PDE11A: variants seen among roughly 807,000 people sequenced by gnomAD.
PDE11A encodes dual 3',5'-cyclic-AMP and -GMP phosphodiesterase 11A.
PDE11A carries 100 observed loss-of-function variants against 100.5 expected under a neutral mutation model. The ratio of observed to expected loss-of-function variants is 1.00; its 90% CI spans 0.85 to 1.18. The LOEUF (loss-of-function observed/expected upper bound fraction) is 1.18, where lower values mean the gene tolerates loss of function less well. Among genes scored for constraint, PDE11A ranks in the 50% most tolerant of loss-of-function variants. PDE11A has a pLI of 0.00. For synonymous variants in PDE11A, 381 were observed against 420.8 expected, an observed-to-expected ratio of 0.91 and a Z score of 1.16; for missense variants, 1,141 against 1,152.6, an observed-to-expected ratio of 0.99 and a Z score of 0.15.
At chr2:177,933,127 G>A (rs887309077) in intron 2 of PDE11A, among the ~76,000 whole-genome samples, 1 of 151,688 alleles carries the variant, frequency 6.6e-6, no homozygotes, top group South Asian at 2.1e-4. Context: ...CCAAGGAGGT[G>A]AAAGATCTTT....
chr2:177,747,270 G>A (rs998060), intron 10 of PDE11A, among the ~76,000 whole-genome samples: 108,928 of 152,166 alleles, frequency 0.72, 40,344 homozygotes, highest in East Asian at 0.86. Flanking sequence ...TACAGCCAGC[G>A]TTCCCTCGAC....
chr2:177,744,354 C>T (rs1242115383), intron 10 of PDE11A, among the ~76,000 whole-genome samples: 6 of 140,520 alleles, frequency 4.3e-5, no homozygotes, highest in African/African-American at 7.8e-5. Flanking sequence ...TTTTTTTTTA[C>T]TATATGACTT....
chr2:178,067,005 T>A (rs1169391129), intron 1 of PDE11A, among the ~76,000 whole-genome samples: 1 of 152,172 alleles, frequency 6.6e-6, no homozygotes. Flanking sequence ...TTAACCCAGC[T>A]TCTCTCCCTG....
intron 4 of PDE11A, among the ~76,000 whole-genome samples, chr2:177,896,390 G>A (rs953931250): frequency 2.0e-5 from 3 of 152,186 alleles, no homozygotes; most frequent in African/African-American, 7.2e-5. Flanking sequence ...ACGCTTAACT[G>A]GTTTAAGTTG....
chr2:178,012,350 T>C (rs915735076), intron 2 of PDE11A, among the ~76,000 whole-genome samples: 3 of 152,320 alleles, frequency 2.0e-5, no homozygotes, highest in South Asian at 2.1e-4. Context: ...ATTTTAAAAC[T>C]CATAGGGAAA....
At chr2:177,781,185 G>T (rs368129908) in intron 9 of PDE11A, among the ~76,000 whole-genome samples, 5 of 152,298 alleles carry the variant, frequency 3.3e-5, no homozygotes, top group African/African-American at 1.2e-4. Context: ...AAACAGAGAG[G>T]CCCAAGGAAA....
intron 4 of PDE11A, chr2:177,888,639 CA>C: frequency 1.1e-6 from 1 of 906,740 alleles, no homozygotes; most frequent in Non-Finnish European, 1.3e-6. Context: ...AGGCAATCCA[CA>C]AAACCAAGCC....
intron 2 of PDE11A, among the ~76,000 whole-genome samples, chr2:177,953,939 A>G (rs2085531892): frequency 1.3e-5 from 2 of 152,264 alleles, no homozygotes; most frequent in Non-Finnish European, 2.9e-5. Flanking sequence ...TACCAAATAG[A>G]AAAATCTGAA....
chr2:177,664,134 T>TC (rs2080532560), intron 18 of PDE11A, among the ~76,000 whole-genome samples, 185 bp from the exon 19 acceptor site: 1 of 152,230 alleles, frequency 6.6e-6, no homozygotes, highest in South Asian at 2.1e-4. Flanking sequence ...TTTTTACCTC[T>TC]TTTTATGAGA....
chr2:177,740,770 G>A (rs1335601197), intron 10 of PDE11A, among the ~76,000 whole-genome samples: 1 of 152,142 alleles, frequency 6.6e-6, no homozygotes, highest in Non-Finnish European at 1.5e-5. Context: ...TATTTTTGTG[G>A]TCTTGTGAAT....
intron 3 of PDE11A, among the ~76,000 whole-genome samples, chr2:177,898,927 C>T (rs942010311): frequency 5.9e-5 from 9 of 152,160 alleles, no homozygotes; most frequent in African/African-American, 1.2e-4. Flanking sequence ...AACTTTGGAA[C>T]ATTTACCCCA....
chr2:177,961,268 T>A (rs544774000), intron 2 of PDE11A, among the ~76,000 whole-genome samples: 1 of 152,238 alleles, frequency 6.6e-6, no homozygotes, highest in South Asian at 2.1e-4. Context: ...AGGTTTTTTT[T>A]TTTAATCGGT....
At chr2:178,015,147 C>A (rs2086319702) in intron 1 of PDE11A, among the ~76,000 whole-genome samples, 1 of 152,086 alleles carries the variant, frequency 6.6e-6, no homozygotes, top group Non-Finnish European at 1.5e-5. Flanking sequence ...TTCCTTATTA[C>A]AAAGGTAAAA....
chr2:177,957,234 T>C (rs1054492653), intron 2 of PDE11A, among the ~76,000 whole-genome samples: 1 of 151,992 alleles, frequency 6.6e-6, no homozygotes, highest in Non-Finnish European at 1.5e-5. Context: ...AACTCAATAC[T>C]GTATATAATA....
chr2:177,767,686 C>T lies in PDE11A; in HGVS notation c.1788+1637G>A, dbSNP rs1204701837. 2.0e-5 allele frequency among the ~76,000 whole-genome samples: 3 copies of T among 151,668 alleles called. No individual in the cohort carries two copies. The South Asian group carries it at 6.2e-4, about 31-fold the overall frequency. On this transcript the variant is annotated intron_variant, in intron 10 of 19. Transcript: ENST00000286063. ...ATATAAAATAATTATATATTATCAC[C>T]GTTTTAAAATTTTCTTAATGACCAA...
rs899952387 is a variant in PDE11A, at chr2:177,625,728, C to T, written c.*3679G>A. 2 of 152,230 alleles carry T rather than the reference C, an allele frequency of 1.3e-5. No individual in the cohort carries two copies. Among genetic ancestry groups the T allele is most frequent in the Non-Finnish European group, 2.9e-5 (2 of 68,000 alleles). 9.4% of individuals were successfully genotyped at this position (152,230 alleles called of 1,614,324 possible). ...ATAAGGACTGGGAAACTTCCTTTCTCTTTTTTGGAAAAGCAGATTATATGG... is the reference window on the plus strand; with the variant it reads ...ATAAGGACTGGGAAACTTCCTTTCTTTTTTTTGGAAAAGCAGATTATATGG... On this transcript the variant is annotated 3_prime_UTR_variant, in exon 20 of 20. Coordinates refer to ENST00000286063, the MANE Select transcript of PDE11A (RefSeq NM_016953.4).
chr2:177,717,330 G>T (rs529758634), intron 12 of PDE11A, among the ~76,000 whole-genome samples: 1 of 151,360 alleles, frequency 6.6e-6, no homozygotes, highest in Non-Finnish European at 1.5e-5. Context: ...TTCCTCCCAG[G>T]GCTATCCATT....
chr2:177,936,266 A>T (rs1448483510), intron 2 of PDE11A, among the ~76,000 whole-genome samples: 2 of 152,160 alleles, frequency 1.3e-5, no homozygotes, highest in Non-Finnish European at 2.9e-5. Flanking sequence ...AAAATTTTCC[A>T]TGTCTGGTCT....
chr2:177,723,539 C>G (rs918699519), intron 12 of PDE11A, among the ~76,000 whole-genome samples: 5 of 152,144 alleles, frequency 3.3e-5, no homozygotes, highest in Non-Finnish European at 7.4e-5. Context: ...TGAACCCTAG[C>G]TGAACCTTAG....
Sources: allele counts gnomAD v4.1 joint callset (sites outside exome capture counted in the v4.1 genomes callset), GRCh38; gene constraint gnomAD v4.1.1; transcripts MANE v1.5; gene names NCBI Gene and HGNC (gene_info 2026-07-23, HGNC 2026-07-21).